The following CNTNAP3B variants were observed in gnomAD, a reference collection of about 807,000 sequenced individuals.
CNTNAP3B encodes the protein contactin-associated protein-like 3B.
CNTNAP3B carries 25 observed loss-of-function variants against 108.9 expected under a neutral mutation model. That is an observed-to-expected ratio of 0.23 (90% CI 0.17 to 0.32). The LOEUF (loss-of-function observed/expected upper bound fraction) is 0.32, where lower values mean the gene tolerates loss of function less well. Ranked by LOEUF, CNTNAP3B falls within the 10% of genes least tolerant of loss-of-function variation. The probability of loss-of-function intolerance (pLI) is 1.00; values close to 1 mark genes in which losing one functional copy is unlikely to be tolerated. For synonymous variants in CNTNAP3B, 103 were observed against 473.4 expected (o/e 0.22, Z 10.16); for missense variants, 252 against 1,210.4 (o/e 0.21, Z 11.75).
At position 42,015,513 on chromosome 9, in the gene CNTNAP3B, A is replaced by G. The variant is rs1412590108; in HGVS notation, c.391-1988T>C. On this transcript the variant is annotated intron_variant, in intron 3 of 23. Coordinates refer to ENST00000377561, the MANE Select transcript of CNTNAP3B (RefSeq NM_001201380.3). ...CCATATCCCAGCTCCACCACCTCAA[A>G]CCCTGCTACTCTGCTGCAAGCTGCG... Among the ~76,000 whole-genome samples the G allele has an allele frequency of 9.8e-5, 9 of 92,112 alleles. 4 individuals carry two copies. The highest frequency in any genetic ancestry group is 3.8e-4 in the African/African-American group (9 of 23,926). The allele number at this position is 92,112 out of a possible 152,430, so 60.4% of individuals were successfully genotyped here. A position where few individuals can be genotyped will look rare whatever the true frequency, so the allele number is the denominator to read the frequency against.
chr9:41,976,946 A>AC (rs1253678842), intron 9 of CNTNAP3B, among the ~76,000 whole-genome samples: 6 of 142,044 alleles, frequency 4.2e-5, no homozygotes, highest in African/African-American at 1.4e-4. Context: ...ACGAAACACC[A>AC]CCCCCCTAAA....
chr9:42,036,769 C>G lies in CNTNAP3B; in HGVS notation c.391-23244G>C, dbSNP rs528371659. Reference sequence around the variant, plus strand: ...CCTCCACAAGTGGGTCCCTGACCCCCGAGTAGCCTAACTGGGAGGCACCTC... The same window carrying G: ...CCTCCACAAGTGGGTCCCTGACCCCGGAGTAGCCTAACTGGGAGGCACCTC... On this transcript the variant is annotated intron_variant, in intron 3 of 23. Transcript: ENST00000377561. Among the ~76,000 whole-genome samples the G allele has an allele frequency of 1.5e-5, 2 of 137,128 alleles. 1 individual carries two copies. The highest frequency in any genetic ancestry group is 5.9e-5 in the African/African-American group (2 of 34,150). 90.0% of individuals were successfully genotyped at this position (137,128 alleles called of 152,430 possible).
At chr9:41,955,189 T>C (rs1335446785) in intron 12 of CNTNAP3B, among the ~76,000 whole-genome samples, 1 of 147,280 alleles carries the variant, frequency 6.8e-6, no homozygotes, top group Admixed American at 6.9e-5. Flanking sequence ...CCGGAGTAGT[T>C]CACATAGGCT....
chr9:41,954,739 A>G (rs1824803233), intron 12 of CNTNAP3B, among the ~76,000 whole-genome samples: 1 of 152,236 alleles, frequency 6.6e-6, no homozygotes, highest in South Asian at 2.1e-4. Flanking sequence ...GCTGGAGTGC[A>G]GTGGCGCTAT....
chr9:42,124,413 C>T (rs1828523629), intron 1 of CNTNAP3B, among the ~76,000 whole-genome samples: 1 of 137,936 alleles, frequency 7.2e-6, no homozygotes, highest in Admixed American at 7.3e-5. Flanking sequence ...GTCTTTTATA[C>T]AGTACCACAA....
chr9:41,931,276 G>T (rs1458930650), intron 14 of CNTNAP3B, among the ~76,000 whole-genome samples: 1 of 152,234 alleles, frequency 6.6e-6, no homozygotes, highest in Non-Finnish European at 1.5e-5. Flanking sequence ...GATCAAATCA[G>T]GGTAATTGGG....
chr9:41,934,124 C>CATATAT (rs1226684775), intron 14 of CNTNAP3B, among the ~76,000 whole-genome samples: 1 of 105,670 alleles, frequency 9.5e-6, no homozygotes, highest in Non-Finnish European at 1.9e-5. Context: ...TATATATATA[C>CATATAT]ACACACATAT....
chr9:41,998,012 CATT>C (rs1825937665), intron 5 of CNTNAP3B, among the ~76,000 whole-genome samples: 1 of 70,232 alleles, frequency 1.4e-5, no homozygotes, highest in African/African-American at 6.3e-5. Context: ...CTTAGAACCT[CATT>C]ATCAGCATTA....
At chr9:41,934,100 C>CAT (rs1186532915) in intron 14 of CNTNAP3B, among the ~76,000 whole-genome samples, 3,696 of 90,094 alleles carry the variant, frequency 0.041, 76 homozygotes, top group Non-Finnish European at 0.045. Context: ...ATATTTGTTA[C>CAT]ATATATATAT....
rs896757141 is a variant in CNTNAP3B, at chr9:41,973,882, G to C, written c.1478-3637C>G. ...CTCTTTCTTGACAGAGTCTCGCTCT[G>C]TTGCCAGGCTGGAGTGCAGTGGCAC... On this transcript the variant is annotated intron_variant, in intron 9 of 23. Transcript: ENST00000377561. Among the ~76,000 whole-genome samples the C allele has an allele frequency of 1.3e-4, 17 of 133,556 alleles. 3 individuals carry two copies. The highest frequency in any genetic ancestry group is 4.8e-4 in the African/African-American group (16 of 33,008). The allele number at this position is 133,556 out of a possible 152,430, so 87.6% of individuals were successfully genotyped here.
Position 41,990,209 on chromosome 9 carries a change from G to A in CNTNAP3B, c.1333+1401C>T, listed in dbSNP as rs569555125. Among the ~76,000 whole-genome samples the A allele has an allele frequency of 2.7e-4, 37 of 137,540 alleles. 8 individuals are homozygous for A. Among genetic ancestry groups the A allele is most frequent in the African/African-American group, 1.1e-3 (37 of 34,524 alleles). The allele number at this position is 137,540 out of a possible 152,430, so 90.2% of individuals were successfully genotyped here. On this transcript the variant is annotated intron_variant, in intron 8 of 23. Transcript: ENST00000377561. ...ACTATGTTGGTAGGCAATTTTATCT[G>A]TACTTATTTCCCTAACACTGGTTCT...
chr9:42,072,955 T>C (rs1827406088), intron 3 of CNTNAP3B, among the ~76,000 whole-genome samples: 2 of 139,382 alleles, frequency 1.4e-5, no homozygotes, highest in East Asian at 2.1e-4. Flanking sequence ...CATATGAATA[T>C]TCACATTAAG....
At chr9:41,950,912 C>T (rs1416697576) in intron 13 of CNTNAP3B, among the ~76,000 whole-genome samples, 1 of 149,896 alleles carries the variant, frequency 6.7e-6, no homozygotes, top group East Asian at 2.0e-4. Context: ...CCCGCCACCA[C>T]ACCTGGCTAC....
At chr9:41,929,258 C>A (rs539124913) in intron 15 of CNTNAP3B, 59 bp downstream of exon 15, 1 of 1,446,968 alleles carries the variant, frequency 6.9e-7, no homozygotes, top group Non-Finnish European at 9.2e-7. Flanking sequence ...CATTTGTCTA[C>A]CCCTTTATAA....
At chr9:42,051,952 TTC>T (rs1826972544) in intron 3 of CNTNAP3B, among the ~76,000 whole-genome samples, 1 of 151,870 alleles carries the variant, frequency 6.6e-6, no homozygotes, top group South Asian at 2.1e-4. Context: ...GCGTAATTTT[TTC>T]TCTCTCTTGT....
intron 2 of CNTNAP3B, among the ~76,000 whole-genome samples, chr9:42,089,574 G>A (rs1169993956): frequency 1.4e-5 from 2 of 146,696 alleles, no homozygotes; most frequent in East Asian, 2.0e-4. Context: ...TCTAATGTGG[G>A]AAATAAATAT....
intron 15 of CNTNAP3B, among the ~76,000 whole-genome samples, chr9:41,925,050 A>G (rs1342598867): frequency 6.6e-5 from 10 of 152,048 alleles, no homozygotes; most frequent in Non-Finnish European, 1.5e-4. Context: ...TGTTAGTTTC[A>G]ACTGCCTTGT....
chr9:42,017,092 C>T (rs1322924331), intron 3 of CNTNAP3B, among the ~76,000 whole-genome samples: 35 of 146,296 alleles, frequency 2.4e-4, no homozygotes, highest in Admixed American at 1.6e-3. Context: ...CTTAGGTATA[C>T]ATGAAAGTGA....
chr9:41,957,936 G>A (rs1208103353), intron 12 of CNTNAP3B, among the ~76,000 whole-genome samples: 1 of 151,890 alleles, frequency 6.6e-6, no homozygotes, highest in Non-Finnish European at 1.5e-5. Flanking sequence ...AATTTTGTTT[G>A]TATTTTTAGT....
Sources: allele counts gnomAD v4.1 joint callset (sites outside exome capture counted in the v4.1 genomes callset), GRCh38; gene constraint gnomAD v4.1.1; transcripts MANE v1.5; gene names NCBI Gene and HGNC (gene_info 2026-07-23, HGNC 2026-07-21).